The following TAFA2 variants were observed in gnomAD, a reference collection of about 807,000 sequenced individuals.
TAFA2 encodes TAFA chemokine like family member 2.
Under a neutral mutation model 18.8 loss-of-function variants are expected in TAFA2, and 7 were observed. The ratio of observed to expected loss-of-function variants is 0.37; its 90% CI spans 0.21 to 0.70. The LOEUF (loss-of-function observed/expected upper bound fraction) is 0.70. Among genes scored for constraint, TAFA2 ranks in the 30% least tolerant of loss-of-function variants. TAFA2 has a pLI of 0.53. For missense variants in TAFA2, 122 were observed against 158.1 expected (o/e 0.77, Z 1.23); for synonymous variants, 60 against 54.2 (o/e 1.11, Z -0.47).
At chr12:61,715,395 C>T (rs186590945) in intron 4 of TAFA2, among the ~76,000 whole-genome samples, 35 of 152,012 alleles carry the variant, frequency 2.3e-4, no homozygotes, top group African/African-American at 8.0e-4. Context: ...GTCACCCAGG[C>T]TGGAGTGCAG....
chr12:62,057,036 C>A (rs10877785), intron 1 of TAFA2, among the ~76,000 whole-genome samples: 3 of 152,052 alleles, frequency 2.0e-5, no homozygotes, highest in Admixed American at 6.5e-5. Flanking sequence ...TCCCTGGAAA[C>A]CTTTTTGGTG....
At chr12:61,762,539 C>T (rs982194554) in intron 2 of TAFA2, among the ~76,000 whole-genome samples, 17 of 151,200 alleles carry the variant, frequency 1.1e-4, no homozygotes, top group East Asian at 2.0e-4. Context: ...GTGTAATTAA[C>T]GAATATCAAA....
chr12:62,177,342 C>A (rs1036585250), intron 1 of TAFA2, among the ~76,000 whole-genome samples: 3 of 152,254 alleles, frequency 2.0e-5, no homozygotes, highest in African/African-American at 7.2e-5. Flanking sequence ...AAGTGGACTT[C>A]ATGGTCTATG....
chr12:61,972,701 GA>G (rs1879291038), intron 1 of TAFA2, among the ~76,000 whole-genome samples: 2 of 151,630 alleles, frequency 1.3e-5, no homozygotes, highest in South Asian at 4.1e-4. Flanking sequence ...TTGTACCTAT[GA>G]ACAAACTTGT....
intron 1 of TAFA2, among the ~76,000 whole-genome samples, chr12:62,130,276 G>A (rs556498234): frequency 4.0e-5 from 6 of 151,832 alleles, no homozygotes; most frequent in Non-Finnish European, 7.4e-5. Flanking sequence ...ACATCTTTTC[G>A]GCTGCTATCA....
intron 1 of TAFA2, among the ~76,000 whole-genome samples, chr12:62,163,368 G>GT (rs1290848568): frequency 2.0e-5 from 3 of 151,314 alleles, no homozygotes; most frequent in Non-Finnish European, 2.9e-5. Flanking sequence ...TTTTGTTTTT[G>GT]TTTTTATCTG....
chr12:62,251,525 T>C (rs1205834489), intron 1 of TAFA2, among the ~76,000 whole-genome samples: 1 of 152,196 alleles, frequency 6.6e-6, no homozygotes, highest in Non-Finnish European at 1.5e-5. Flanking sequence ...AAGGGTGTGG[T>C]GCAGGCCCAA....
intron 1 of TAFA2, among the ~76,000 whole-genome samples, chr12:62,244,354 C>G (rs1298371611): frequency 1.3e-5 from 2 of 149,110 alleles, no homozygotes; most frequent in Non-Finnish European, 3.0e-5. Context: ...TTTTTTTAAT[C>G]TTTTCTATTT....
intron 1 of TAFA2, among the ~76,000 whole-genome samples, chr12:61,947,559 T>C (rs1044695157): frequency 2.6e-5 from 4 of 152,172 alleles, no homozygotes; most frequent in Non-Finnish European, 4.4e-5. Flanking sequence ...TGTTCTGATG[T>C]TTCTGCTTTG....
intron 2 of TAFA2, among the ~76,000 whole-genome samples, chr12:61,843,477 C>T (rs1873275143): frequency 6.6e-6 from 1 of 152,008 alleles, no homozygotes; most frequent in Admixed American, 6.6e-5. Context: ...GGATAGTAAT[C>T]TGTAATACAC....
At chr12:61,719,788 T>C (rs1464272489) in intron 4 of TAFA2, among the ~76,000 whole-genome samples, 2 of 152,164 alleles carry the variant, frequency 1.3e-5, no homozygotes, top group African/African-American at 4.8e-5. Flanking sequence ...TTAAAAGGAC[T>C]TGATGTAACC....
intron 1 of TAFA2, among the ~76,000 whole-genome samples, chr12:61,910,086 G>A (rs531355976): frequency 1.8e-5 from 2 of 110,178 alleles, no homozygotes; most frequent in African/African-American, 7.2e-5. Flanking sequence ...GCGTGCTTGT[G>A]TGTGTGTGTG....
chr12:62,188,628 G>A (rs1353402630), intron 1 of TAFA2, among the ~76,000 whole-genome samples: 3 of 152,068 alleles, frequency 2.0e-5, no homozygotes, highest in African/African-American at 7.2e-5. Context: ...CTTGCAATTA[G>A]TGATAAATCA....
At chr12:62,229,240 G>A (rs887556952) in intron 1 of TAFA2, among the ~76,000 whole-genome samples, 1 of 151,892 alleles carries the variant, frequency 6.6e-6, no homozygotes, top group Non-Finnish European at 1.5e-5. Context: ...AGGACTTCCA[G>A]TACTAGTACT....
intron 2 of TAFA2, among the ~76,000 whole-genome samples, chr12:61,853,212 T>C (rs1182365783): frequency 6.6e-6 from 1 of 152,062 alleles, no homozygotes; most frequent in African/African-American, 2.4e-5. Flanking sequence ...TGGACATAAT[T>C]AAAAATACAA....
At chr12:62,000,944 T>C (rs1441339378) in intron 1 of TAFA2, among the ~76,000 whole-genome samples, 4 of 152,214 alleles carry the variant, frequency 2.6e-5, no homozygotes, top group Non-Finnish European at 5.9e-5. Flanking sequence ...TCTAGAGTAC[T>C]AGCAATAAAA....
intron 1 of TAFA2, chr12:61,880,693 C>A: frequency 2.8e-6 from 1 of 359,266 alleles, no homozygotes; most frequent in Non-Finnish European, 5.5e-6. Context: ...CATACCAGCT[C>A]CACCAGGGCT....
intron 1 of TAFA2, among the ~76,000 whole-genome samples, chr12:62,013,765 G>A (rs1880842115): frequency 6.6e-6 from 1 of 152,162 alleles, no homozygotes; most frequent in Non-Finnish European, 1.5e-5. Flanking sequence ...ATTAGACACT[G>A]GGAGATTCAA....
chr12:62,048,907 A>G (rs1592304591), intron 1 of TAFA2, among the ~76,000 whole-genome samples: 1 of 152,220 alleles, frequency 6.6e-6, no homozygotes, highest in East Asian at 1.9e-4. Context: ...TATGTCATCC[A>G]AAGATTAAAC....
Sources: allele counts gnomAD v4.1 joint callset (sites outside exome capture counted in the v4.1 genomes callset), GRCh38; gene constraint gnomAD v4.1.1; transcripts MANE v1.5; gene names NCBI Gene and HGNC (gene_info 2026-07-23, HGNC 2026-07-21).